CEP192: variants seen among roughly 807,000 people sequenced by gnomAD.
CEP192 encodes the protein centrosomal protein of 192 kDa.
CEP192 carries 151 observed loss-of-function variants against 271.8 expected under a neutral mutation model. That is an observed-to-expected ratio of 0.56 (90% CI 0.49 to 0.64). The LOEUF is 0.64. Ranked by LOEUF, CEP192 falls within the 30% of genes least tolerant of loss-of-function variation. The pLI is 0.00. For synonymous variants in CEP192, 995 were observed against 1,076.5 expected, an observed-to-expected ratio of 0.92 and a Z score of 1.48; for missense variants, 2,910 against 3,020.5, an observed-to-expected ratio of 0.96 and a Z score of 0.86.
chr18:13,083,398 G>C (rs1266737507), intron 30 of CEP192, among the ~76,000 whole-genome samples: 2 of 152,140 alleles, frequency 1.3e-5, no homozygotes, highest in African/African-American at 4.8e-5. Flanking sequence ...TCGCCCACTT[G>C]ATCGAGTTGG....
At chr18:12,998,877 C>T (rs978165621) in intron 1 of CEP192, among the ~76,000 whole-genome samples, 1 of 152,082 alleles carries the variant, frequency 6.6e-6, no homozygotes, top group African/African-American at 2.4e-5. Flanking sequence ...TTTGGGTACC[C>T]CTTTTACCAC....
At chr18:13,011,132 C>T (rs549294845) in intron 4 of CEP192, among the ~76,000 whole-genome samples, 20 of 150,680 alleles carry the variant, frequency 1.3e-4, no homozygotes, top group African/African-American at 3.2e-4. Context: ...GGGGCTGAGG[C>T]GGGAGAATCA....
intron 17 of CEP192, among the ~76,000 whole-genome samples, chr18:13,051,689 G>A (rs2036802257): frequency 2.0e-5 from 3 of 152,030 alleles, no homozygotes; most frequent in Admixed American, 2.0e-4. Flanking sequence ...GACTACAGGT[G>A]CCCGCCACCA....
chr18:13,006,836 T>A (rs986336249), intron 3 of CEP192, among the ~76,000 whole-genome samples: 1 of 152,208 alleles, frequency 6.6e-6, no homozygotes, highest in Non-Finnish European at 1.5e-5. Context: ...CCGCTGTAAC[T>A]GCCATCGCTT....
chr18:13,027,810 T>C (rs2035389928), intron 9 of CEP192, among the ~76,000 whole-genome samples: 1 of 152,194 alleles, frequency 6.6e-6, no homozygotes, highest in Admixed American at 6.5e-5. Context: ...GTGTTGTATA[T>C]GAAAAGCAGT....
intron 44 of CEP192, among the ~76,000 whole-genome samples, chr18:13,119,085 G>A (rs1379669149): frequency 2.0e-5 from 3 of 152,142 alleles, no homozygotes; most frequent in African/African-American, 2.4e-5. Context: ...TCTAGTGTGC[G>A]TAATAATAGG....
intron 27 of CEP192, 23 bp from the exon 28 acceptor site, chr18:13,071,016 A>G: frequency 6.2e-7 from 1 of 1,602,572 alleles, no homozygotes; most frequent in East Asian, 2.2e-5. Context: ...AGGACCTTCA[A>G]CTTAGAATTC....
chr18:13,087,389 A>G, intron 31 of CEP192, 112 bp downstream of exon 31: 3 of 1,088,208 alleles, frequency 2.8e-6, no homozygotes, highest in Non-Finnish European at 2.6e-6. Flanking sequence ...GTAGGAATAG[A>G]AGTACTTATG....
intron 32 of CEP192, 45 bp from the exon 33 acceptor site, chr18:13,089,411 A>G (rs2144721432): frequency 2.2e-6 from 2 of 913,014 alleles, no homozygotes; most frequent in East Asian, 5.2e-5. Context: ...GTTATTTTAT[A>G]TATAACGTCA....
chr18:13,076,013 T>C (rs1313351882), intron 30 of CEP192, among the ~76,000 whole-genome samples: 2 of 152,186 alleles, frequency 1.3e-5, no homozygotes, highest in Non-Finnish European at 2.9e-5. Flanking sequence ...GGAGTTACTT[T>C]TCGTTTGTCA....
chr18:13,035,786 A>C (rs1438013042), intron 11 of CEP192, among the ~76,000 whole-genome samples: 2 of 152,168 alleles, frequency 1.3e-5, no homozygotes, highest in East Asian at 3.9e-4. Context: ...TTTTGCATGT[A>C]ATTTTGAGGG....
intron 30 of CEP192, among the ~76,000 whole-genome samples, chr18:13,082,183 G>A (rs1230225480): frequency 6.6e-6 from 1 of 151,970 alleles, no homozygotes; most frequent in Non-Finnish European, 1.5e-5. Flanking sequence ...CCTTGTTGAT[G>A]TGTCTAATAT....
intron 3 of CEP192, 51 bp downstream of exon 3, chr18:13,001,633 C>G: frequency 6.8e-7 from 1 of 1,463,888 alleles, no homozygotes; most frequent in Non-Finnish European, 9.1e-7. Flanking sequence ...GGGTCTTACG[C>G]AGTCTTGTGG....
In CEP192 at chr18:13,100,099, G is replaced by A. The variant is rs116267451; in HGVS notation, c.6664-206G>A. Among the ~76,000 whole-genome samples the A allele has an allele frequency of 7.7e-3, 1,175 of 152,244 alleles. 12 individuals are homozygous for A. Among genetic ancestry groups the A allele is most frequent in the African/African-American group, 0.025 (1,056 of 41,550 alleles). ...AGCCTAGAAGTGATTACTGATTTTC[G>A]AAATTTGCTTTAAAAACAAAGGTAA... is the stretch of plus-strand genomic sequence containing the variant. On this transcript the variant is annotated intron_variant, in intron 37 of 44. Coordinates refer to ENST00000506447, the MANE Select transcript of CEP192 (RefSeq NM_032142.4).
At chr18:13,022,367 AT>A (rs972192108) in intron 9 of CEP192, among the ~76,000 whole-genome samples, 6 of 145,160 alleles carry the variant, frequency 4.1e-5, no homozygotes, top group Admixed American at 6.8e-5. Flanking sequence ...TGTAAACTTT[AT>A]TTTTTTTTTT....
rs185889806 is a variant in CEP192, at chr18:13,089,248, T to C, written c.5994-208T>C. Among the ~76,000 whole-genome samples the C allele has an allele frequency of 3.1e-4, 47 of 152,324 alleles. 1 individual carries two copies. The highest frequency in any genetic ancestry group is 1.1e-3 in the African/African-American group (46 of 41,592). On this transcript the variant is annotated intron_variant, in intron 32 of 44. Transcript: ENST00000506447. ...CTTCTTTTAGGGAATTCTTGTTTGATGTTAATATTTAACTGAAACTGATAA... is the reference window on the plus strand; with the variant it reads ...CTTCTTTTAGGGAATTCTTGTTTGACGTTAATATTTAACTGAAACTGATAA...
intron 30 of CEP192, 78 bp downstream of exon 30, chr18:13,073,263 T>C (rs2038109453): frequency 4.0e-6 from 5 of 1,248,400 alleles, no homozygotes; most frequent in African/African-American, 1.5e-5. Context: ...TTGTAAATTA[T>C]ACAGTCTGCC....
intron 3 of CEP192, among the ~76,000 whole-genome samples, chr18:13,006,170 G>A (rs1355752533): frequency 6.7e-6 from 1 of 150,156 alleles, no homozygotes; most frequent in South Asian, 2.1e-4. Context: ...CTTTTTTTCT[G>A]TTTTAGTGCA....
chr18:13,064,956 C>A (rs184828540), intron 21 of CEP192, among the ~76,000 whole-genome samples: 18 of 152,128 alleles, frequency 1.2e-4, no homozygotes, highest in East Asian at 1.2e-3. Flanking sequence ...CAATTTTCTT[C>A]ATCAGTGTTT....
Sources: gnomAD v4.1 joint callset for allele counts (sites outside exome capture counted in the v4.1 genomes callset) on GRCh38, gnomAD v4.1.1 for gene constraint, MANE v1.5 for transcripts, NCBI Gene and HGNC (gene_info 2026-07-23, HGNC 2026-07-21) for gene names.